The following MCTP1 variants were observed in gnomAD, a reference collection of about 807,000 sequenced individuals.
The protein encoded by MCTP1 is multiple C2 and transmembrane domain-containing protein 1.
In MCTP1, 69 loss-of-function variants were observed where a neutral mutation model predicts 120.6. The observed-to-expected ratio is 0.57, with a 90% CI of 0.47 to 0.70. MCTP1 has a LOEUF of 0.70. MCTP1 is among the 30% of genes least tolerant of loss of function. MCTP1 has a pLI of 0.00. For missense variants in MCTP1, 1,203 were observed against 1,248.8 expected (o/e 0.96, Z 0.55); for synonymous variants, 529 against 493.1 (o/e 1.07, Z -0.96).
At chr5:94,714,705 T>C in intron 20 of MCTP1, 72 bp downstream of exon 20, 1 of 894,942 alleles carries the variant, frequency 1.1e-6, no homozygotes, top group Non-Finnish European at 1.9e-6. Context: ...GAATGTGGCA[T>C]TTCACCCTCC....
chr5:94,733,645 A>G (rs1763561361), intron 19 of MCTP1, among the ~76,000 whole-genome samples: 1 of 152,158 alleles, frequency 6.6e-6, no homozygotes, highest in African/African-American at 2.4e-5. Flanking sequence ...TGGAAAAAAC[A>G]AAAATCACAT....
intron 17 of MCTP1, among the ~76,000 whole-genome samples, chr5:94,850,894 G>A (rs1371898059): frequency 6.6e-6 from 1 of 151,894 alleles, no homozygotes; most frequent in Non-Finnish European, 1.5e-5. Context: ...GTGGGGGAAG[G>A]GTACAGTGTA....
intron 2 of MCTP1, among the ~76,000 whole-genome samples, chr5:94,971,390 A>G (rs906265649): frequency 5.3e-5 from 8 of 152,140 alleles, no homozygotes; most frequent in African/African-American, 1.9e-4. Context: ...GCAGAGCATC[A>G]TTTGTTAAGT....
chr5:95,202,921 G>T (rs545287149), intron 1 of MCTP1, among the ~76,000 whole-genome samples: 1 of 152,170 alleles, frequency 6.6e-6, no homozygotes, highest in South Asian at 2.1e-4. Context: ...TACAGACGGG[G>T]TTTCACCGTG....
intron 17 of MCTP1, among the ~76,000 whole-genome samples, chr5:94,856,858 G>A (rs1373019048): frequency 6.6e-6 from 1 of 151,578 alleles, no homozygotes. Context: ...CAACACTCTG[G>A]GGCTGCCTGC....
intron 2 of MCTP1, among the ~76,000 whole-genome samples, chr5:94,964,580 T>C (rs1825148099): frequency 6.6e-6 from 1 of 152,234 alleles, no homozygotes; most frequent in African/African-American, 2.4e-5. Flanking sequence ...CTTAATGAAC[T>C]GACACCTTTA....
At chr5:95,116,361 C>T (rs140851345) in intron 1 of MCTP1, among the ~76,000 whole-genome samples, 1 of 152,168 alleles carries the variant, frequency 6.6e-6, no homozygotes, top group African/African-American at 2.4e-5. Flanking sequence ...ATAGACAATA[C>T]ATTAAGATAT....
At chr5:95,091,342 G>A (rs996337130) in intron 1 of MCTP1, among the ~76,000 whole-genome samples, 2 of 152,138 alleles carry the variant, frequency 1.3e-5, no homozygotes, top group Non-Finnish European at 2.9e-5. Flanking sequence ...TACCCTTTGT[G>A]GCAATTTTTG....
chr5:95,279,937 A>C (rs1375818254), intron 1 of MCTP1, among the ~76,000 whole-genome samples: 1 of 152,200 alleles, frequency 6.6e-6, no homozygotes, highest in African/African-American at 2.4e-5. Context: ...ACATTGTTTT[A>C]GGGGCTTGAT....
intron 21 of MCTP1, 61 bp downstream of exon 21, chr5:94,710,757 T>C: frequency 9.3e-7 from 1 of 1,076,660 alleles, no homozygotes. Flanking sequence ...ACTCATCTCT[T>C]AAACATAGTT....
chr5:95,064,442 CTTTA>C (rs1750069939), intron 1 of MCTP1, among the ~76,000 whole-genome samples: 1 of 152,146 alleles, frequency 6.6e-6, no homozygotes, highest in South Asian at 2.1e-4. Flanking sequence ...GACATGGTAA[CTTTA>C]TTTACAAATA....
chr5:95,260,087 T>G (rs1758331651), intron 1 of MCTP1, among the ~76,000 whole-genome samples: 1 of 152,222 alleles, frequency 6.6e-6, no homozygotes, highest in Non-Finnish European at 1.5e-5. Flanking sequence ...TCTCCTGTGC[T>G]TATCCTGTAT....
At chr5:95,193,839 T>A (rs1462107904) in intron 1 of MCTP1, among the ~76,000 whole-genome samples, 4 of 152,190 alleles carry the variant, frequency 2.6e-5, no homozygotes, top group Non-Finnish European at 5.9e-5. Flanking sequence ...ATATTTTAAC[T>A]TATGTAATTC....
intron 2 of MCTP1, among the ~76,000 whole-genome samples, chr5:94,978,253 G>A (rs1385816878): frequency 2.6e-5 from 4 of 151,980 alleles, no homozygotes; most frequent in Non-Finnish European, 4.4e-5. Context: ...CTGTTGGTGG[G>A]AATGCAAAAT....
intron 17 of MCTP1, among the ~76,000 whole-genome samples, chr5:94,819,118 T>TTTCATTC (rs1554106078): frequency 7.1e-6 from 1 of 140,636 alleles, no homozygotes; most frequent in Non-Finnish European, 1.5e-5. Flanking sequence ...TTTATTTATT[T>TTTCATTC]ATTCATTCAT....
intron 17 of MCTP1, among the ~76,000 whole-genome samples, chr5:94,845,079 G>A (rs1426952313): frequency 6.6e-6 from 1 of 152,118 alleles, no homozygotes; most frequent in Admixed American, 6.5e-5. Context: ...CTATATATCT[G>A]ACAAAAGATC....
At chr5:95,196,772 A>G (rs1750446487) in intron 1 of MCTP1, among the ~76,000 whole-genome samples, 1 of 152,134 alleles carries the variant, frequency 6.6e-6, no homozygotes, top group Admixed American at 6.5e-5. Flanking sequence ...TTACCAGCTG[A>G]TGGAATCCAT....
chr5:94,927,815 T>C (rs1445134775), intron 6 of MCTP1, among the ~76,000 whole-genome samples: 1 of 152,146 alleles, frequency 6.6e-6, no homozygotes, highest in Non-Finnish European at 1.5e-5. Context: ...TTCTCTAGTT[T>C]AAATTAACAA....
intron 1 of MCTP1, among the ~76,000 whole-genome samples, chr5:95,213,955 C>T (rs1271113959): frequency 6.6e-6 from 1 of 152,012 alleles, no homozygotes; most frequent in Non-Finnish European, 1.5e-5. Flanking sequence ...TAGGCATGGG[C>T]AAGGACTTCA....
Sources: allele counts gnomAD v4.1 joint callset (sites outside exome capture counted in the v4.1 genomes callset), GRCh38; gene constraint gnomAD v4.1.1; transcripts MANE v1.5; gene names NCBI Gene and HGNC (gene_info 2026-07-23, HGNC 2026-07-21).